NAV1: variants seen among roughly 807,000 people sequenced by gnomAD.
NAV1 encodes pore membrane and/or filament interacting like protein 3.
NAV1 carries 18 observed loss-of-function variants against 175.2 expected under a neutral mutation model. That is an observed-to-expected ratio of 0.10 (90% CI 0.07 to 0.15). The LOEUF (loss-of-function observed/expected upper bound fraction) is 0.15. NAV1 is among the 10% of genes least tolerant of loss of function. NAV1 has a pLI of 1.00. For missense variants in NAV1, 1,731 were observed against 2,436.6 expected, an observed-to-expected ratio of 0.71 and a Z score of 6.10; for synonymous variants, 897 against 978.7, an observed-to-expected ratio of 0.92 and a Z score of 1.56.
chr1:201,670,154 G>A (rs1297613928), intron 1 of NAV1, among the ~76,000 whole-genome samples: 1 of 151,706 alleles, frequency 6.6e-6, no homozygotes, highest in Admixed American at 6.6e-5. Context: ...CACTTTGGGA[G>A]GCTGAGGCTG....
chr1:201,597,468 A>G (rs1667384489), intron 2 of NAV1, among the ~76,000 whole-genome samples: 1 of 152,220 alleles, frequency 6.6e-6, no homozygotes, highest in Non-Finnish European at 1.5e-5. Context: ...TGTGCAAACT[A>G]CAGACTATCA....
chr1:201,601,332 A>C (rs1667505761), intron 2 of NAV1, among the ~76,000 whole-genome samples: 1 of 152,160 alleles, frequency 6.6e-6, no homozygotes. Context: ...ACACACAAAA[A>C]ATTAGCTGGG....
intron 1 of NAV1, among the ~76,000 whole-genome samples, chr1:201,571,532 A>T (rs756333857): frequency 6.6e-5 from 10 of 152,164 alleles, no homozygotes; most frequent in Non-Finnish European, 1.2e-4. Flanking sequence ...CCAGTCCCCC[A>T]CCATGATGAG....
intron 1 of NAV1, among the ~76,000 whole-genome samples, chr1:201,682,165 A>C (rs1442873789): frequency 1.3e-5 from 2 of 151,232 alleles, no homozygotes; most frequent in South Asian, 4.2e-4. Flanking sequence ...ACATGCCTGT[A>C]ATCCCAGCTA....
At chr1:201,722,899 A>T (rs1672446566) in intron 3 of NAV1, among the ~76,000 whole-genome samples, 1 of 152,234 alleles carries the variant, frequency 6.6e-6, no homozygotes, top group Non-Finnish European at 1.5e-5. Flanking sequence ...TGAGGTCAGG[A>T]GTTGGAGACC....
intron 2 of NAV1, among the ~76,000 whole-genome samples, chr1:201,597,338 C>G (rs1667378478): frequency 6.6e-6 from 1 of 152,228 alleles, no homozygotes; most frequent in Non-Finnish European, 1.5e-5. Context: ...CCCAGCATTT[C>G]TCAGGATTCA....
At chr1:201,712,901 G>C (rs755139812) in exon 2 of NAV1, 1 of 1,613,502 alleles carries the variant, frequency 6.2e-7, no homozygotes, top group Non-Finnish European at 8.5e-7. Flanking sequence ...AGCCTGCGAG[G>C]GTCCCAGGTG....
At chr1:201,820,118 G>A in exon 30 of NAV1, 2 of 575,184 alleles carry the variant, frequency 3.5e-6, no homozygotes, top group Non-Finnish European at 6.1e-6. Flanking sequence ...TCCTAGGAAG[G>A]AATGGTGGGG....
upstream of NAV1, among the ~76,000 whole-genome samples, chr1:201,645,872 T>C (rs528376643): frequency 8.5e-5 from 13 of 152,286 alleles, no homozygotes; most frequent in South Asian, 2.7e-3. Flanking sequence ...TTAGGAAAGG[T>C]GTGGTTCTCA....
intron 1 of NAV1, among the ~76,000 whole-genome samples, chr1:201,699,006 T>C (rs1442366354): frequency 6.6e-6 from 1 of 152,220 alleles, no homozygotes; most frequent in Non-Finnish European, 1.5e-5. Flanking sequence ...AAACACTTTA[T>C]AGAAGAAGAG....
At chr1:201,659,301 AG>A in intron 1 of NAV1, among the ~76,000 whole-genome samples, 1 of 152,310 alleles carries the variant, frequency 6.6e-6, no homozygotes, top group African/African-American at 2.4e-5. Flanking sequence ...AGGAATTTAA[AG>A]GAGTTTTAAA....
At chr1:201,714,329 C>G (rs1672043800) in intron 2 of NAV1, among the ~76,000 whole-genome samples, 1 of 152,244 alleles carries the variant, frequency 6.6e-6, no homozygotes, top group African/African-American at 2.4e-5. Flanking sequence ...GCTTAGATGA[C>G]CCTTCTCCTT....
chr1:201,557,952 A>G (rs1666080145), intron 1 of NAV1, among the ~76,000 whole-genome samples: 1 of 152,156 alleles, frequency 6.6e-6, no homozygotes, highest in Non-Finnish European at 1.5e-5. Flanking sequence ...AGGGGCAGAA[A>G]GGAGGAGGCC....
chr1:201,780,922 G>T, intron 4 of NAV1, 90 bp from the exon 9 acceptor site: 1 of 1,396,772 alleles, frequency 7.2e-7, no homozygotes, highest in South Asian at 1.4e-5. Flanking sequence ...GATGAGCAGC[G>T]CCAGGTACTA....
chr1:201,763,815 A>G (rs1224680286), intron 3 of NAV1, among the ~76,000 whole-genome samples: 1 of 152,206 alleles, frequency 6.6e-6, no homozygotes, highest in African/African-American at 2.4e-5. Context: ...AATAAAATAT[A>G]TTGATACCTC....
At chr1:201,817,560 C>T (rs1266287552) in intron 29 of NAV1, among the ~76,000 whole-genome samples, 2 of 152,150 alleles carry the variant, frequency 1.3e-5, no homozygotes, top group East Asian at 3.8e-4. Flanking sequence ...AAAGCCAGGA[C>T]CAGGCTAAGG....
chr1:201,785,205 C>CTT, intron 7 of NAV1, 105 bp from the exon 12 acceptor site: 1 of 1,190,352 alleles, frequency 8.4e-7, no homozygotes, highest in Non-Finnish European at 1.2e-6. Context: ...TGTCCTGCGT[C>CTT]TAGGGTCTGC....
chr1:201,654,383 GCCCACCCCCTACCT>G (rs1436893592), intron 1 of NAV1, among the ~76,000 whole-genome samples: 3 of 148,654 alleles, frequency 2.0e-5, no homozygotes, highest in South Asian at 2.2e-4. Context: ...GGCTGCAAAT[GCCCACCCCCTACCT>G]CCCACCCCCT....
intron 3 of NAV1, among the ~76,000 whole-genome samples, chr1:201,765,172 T>C (rs1675120147): frequency 6.6e-6 from 1 of 152,210 alleles, no homozygotes; most frequent in Admixed American, 6.5e-5. Flanking sequence ...TGGCCTTTTA[T>C]ATTCTTGGAG....
Sources: allele counts gnomAD v4.1 joint callset (sites outside exome capture counted in the v4.1 genomes callset), GRCh38; gene constraint gnomAD v4.1.1; transcripts MANE v1.5; gene names NCBI Gene and HGNC (gene_info 2026-07-23, HGNC 2026-07-21).